The following SEM1 variants were observed in gnomAD, a reference collection of about 807,000 sequenced individuals.
SEM1 encodes the protein 26S proteasome complex subunit SEM1.
Under a neutral mutation model 12.7 loss-of-function variants are expected in SEM1, and 3 were observed. That is an observed-to-expected ratio of 0.24 (90% CI 0.11 to 0.61). The LOEUF is 0.61. Among genes scored for constraint, SEM1 ranks in the 20% least tolerant of loss-of-function variants. SEM1 has a pLI of 0.88. For synonymous variants in SEM1, 30 were observed against 27.8 expected (o/e 1.08, Z -0.25); for missense variants, 59 against 81.3 (o/e 0.73, Z 1.06).
At chr7:96,498,386 T>A (rs923196912), upstream of SEM1, among the ~76,000 whole-genome samples, 2 of 150,224 alleles carry the variant, frequency 1.3e-5, no homozygotes, top group African/African-American at 4.9e-5. Flanking sequence ...TCTGTGTAAG[T>A]GTGCACACAC....
chr7:96,592,624 C>T (rs1806863651), intron 2 of SEM1, among the ~76,000 whole-genome samples: 1 of 151,518 alleles, frequency 6.6e-6, no homozygotes, highest in East Asian at 2.0e-4. Context: ...ACCATTAGCA[C>T]AAGCAGAGAC....
intron 1 of SEM1, among the ~76,000 whole-genome samples, chr7:96,700,410 T>G (rs1334574385): frequency 1.3e-5 from 2 of 152,182 alleles, no homozygotes; most frequent in African/African-American, 4.8e-5. Flanking sequence ...GGGGTACTTG[T>G]TCCAGGACAG....
chr7:96,694,976 C>A, intron 1 of SEM1, 85 bp from the exon 2 acceptor site: 1 of 931,222 alleles, frequency 1.1e-6, no homozygotes, highest in Admixed American at 1.9e-5. Flanking sequence ...TGCTACTGAA[C>A]ACTCACAATT....
intron 2 of SEM1, among the ~76,000 whole-genome samples, chr7:96,542,678 C>T (rs77775758): frequency 0.044 from 6,708 of 151,530 alleles, 522 homozygotes; most frequent in African/African-American, 0.15. Flanking sequence ...TTGAAATTGG[C>T]AAAATTAAAG....
At chr7:96,655,324 T>C (rs1024316241) in intron 2 of SEM1, among the ~76,000 whole-genome samples, 1 of 152,216 alleles carries the variant, frequency 6.6e-6, no homozygotes, top group Non-Finnish European at 1.5e-5. Context: ...TGTTGTGTGG[T>C]TGTGCAAACT....
At chr7:96,617,703 G>T (rs1275671181), downstream of SEM1, among the ~76,000 whole-genome samples, 1 of 152,046 alleles carries the variant, frequency 6.6e-6, no homozygotes, top group South Asian at 2.1e-4. Flanking sequence ...TTATGTTGAG[G>T]TATGTTTCTT....
chr7:96,589,375 C>T (rs1233127035), intron 2 of SEM1, among the ~76,000 whole-genome samples: 1 of 152,170 alleles, frequency 6.6e-6, no homozygotes, highest in African/African-American at 2.4e-5. Context: ...CTGTGCTCTT[C>T]GGTCACTGTA....
intron 2 of SEM1, among the ~76,000 whole-genome samples, chr7:96,509,637 C>A (rs760460930): frequency 2.6e-5 from 4 of 152,080 alleles, no homozygotes; most frequent in Non-Finnish European, 4.4e-5. Context: ...AAGGTAGAAG[C>A]AACCCAAGTA....
chr7:96,637,270 T>A (rs1332454660), intron 2 of SEM1: 1 of 152,084 alleles, frequency 6.6e-6, no homozygotes, highest in Non-Finnish European at 1.5e-5. Context: ...AGTGCGTTCT[T>A]CACCCTCACA....
chr7:96,488,697 A>T (rs1331858513), intron 1 of SEM1, among the ~76,000 whole-genome samples: 1 of 152,112 alleles, frequency 6.6e-6, no homozygotes. Flanking sequence ...ACTGCCAGCC[A>T]TGTGGATTTT....
chr7:96,512,045 T>C (rs1463418850), intron 2 of SEM1, among the ~76,000 whole-genome samples: 2 of 152,110 alleles, frequency 1.3e-5, no homozygotes, highest in Non-Finnish European at 2.9e-5. Flanking sequence ...TAGCCAGACT[T>C]TAAAGTCTTA....
At chr7:96,660,341 T>C (rs951976130) in intron 2 of SEM1, among the ~76,000 whole-genome samples, 5 of 152,146 alleles carry the variant, frequency 3.3e-5, no homozygotes, top group African/African-American at 1.2e-4. Context: ...GGACAAATCC[T>C]TTCTCATAGT....
intron 2 of SEM1, among the ~76,000 whole-genome samples, chr7:96,639,868 A>G (rs926309513): frequency 6.6e-6 from 1 of 152,014 alleles, no homozygotes; most frequent in Non-Finnish European, 1.5e-5. Flanking sequence ...CTATTCAACA[A>G]TGAGAAAATA....
chr7:96,693,794 A>G lies in SEM1; in HGVS notation c.170+1004T>C, dbSNP rs374418388. On this transcript the variant is annotated intron_variant, in intron 2 of 2. Coordinates refer to ENST00000248566, the MANE Select transcript of SEM1 (RefSeq NM_006304.2). ...TGTGTGTGTGTGTGTGTGTGTGTAT[A>G]TATATATATATAAAATTTCTTTTCA... Among the ~76,000 whole-genome samples, 793 of 99,276 alleles carry G rather than the reference A, an allele frequency of 8.0e-3. 1 individual carries two copies. Among genetic ancestry groups the G allele is most frequent in the East Asian group, 0.019 (73 of 3,830 alleles). 65.1% of individuals were successfully genotyped at this position (99,276 alleles called of 152,430 possible). A position where few individuals can be genotyped will look rare whatever the true frequency, so the allele number is the denominator to read the frequency against.
At chr7:96,579,917 A>C (rs1313577994) in intron 2 of SEM1, among the ~76,000 whole-genome samples, 3 of 148,602 alleles carry the variant, frequency 2.0e-5, no homozygotes, top group African/African-American at 7.4e-5. Context: ...ATTATTACTA[A>C]ATTTTAAAAA....
At chr7:96,533,430 C>G (rs1159387916) in intron 2 of SEM1, among the ~76,000 whole-genome samples, 1 of 151,974 alleles carries the variant, frequency 6.6e-6, no homozygotes, top group Non-Finnish European at 1.5e-5. Context: ...TGTATAGTGA[C>G]CCTGAATCTC....
rs534693901 is a variant in SEM1 at position 96,544,781 on chromosome 7, T to C, written c.171-38083A>G. On this transcript the variant is annotated intron_variant and NMD_transcript_variant, in intron 2 of 3. Coordinates refer to the SEM1 transcript ENST00000466986. ...AAACTAAGCTAGAGAACAAATGATA[T>C]TAAGAAAATCACAAAGACGAGAAAA... 3.3e-5 allele frequency among the ~76,000 whole-genome samples: 5 copies of C among 152,096 alleles called. No individual in the cohort carries two copies. In the South Asian group the frequency reaches 1.0e-3, roughly 32 times the overall value.
At chr7:96,560,506 T>A (rs1254659246) in intron 2 of SEM1, among the ~76,000 whole-genome samples, 1 of 152,152 alleles carries the variant, frequency 6.6e-6, no homozygotes, top group Admixed American at 6.5e-5. Context: ...GTACCAACAG[T>A]ACTTGATAGG....
chr7:96,650,275 G>A (rs1014602221), intron 2 of SEM1: 35 of 450,806 alleles, frequency 7.8e-5, no homozygotes, highest in African/African-American at 4.4e-4. Flanking sequence ...GGGAAATTCC[G>A]CTGCACAAGA....
Sources: gnomAD v4.1 joint callset for allele counts (sites outside exome capture counted in the v4.1 genomes callset) on GRCh38, gnomAD v4.1.1 for gene constraint, MANE v1.5 for transcripts, NCBI Gene and HGNC (gene_info 2026-07-23, HGNC 2026-07-21) for gene names.